The following PTPRE variants were observed in gnomAD, a reference collection of about 807,000 sequenced individuals.
PTPRE encodes the protein receptor-type tyrosine-protein phosphatase epsilon.
Under a neutral mutation model 102.0 loss-of-function variants are expected in PTPRE, and 51 were observed. The ratio of observed to expected loss-of-function variants is 0.50; its 90% CI spans 0.40 to 0.63. The LOEUF (loss-of-function observed/expected upper bound fraction) is 0.63, where lower values mean the gene tolerates loss of function less well. PTPRE is among the 30% of genes least tolerant of loss of function. The probability of loss-of-function intolerance (pLI) is 0.00; values close to 1 mark genes in which losing one functional copy is unlikely to be tolerated. For synonymous variants in PTPRE, 345 were observed against 348.2 expected (o/e 0.99, Z 0.10); for missense variants, 752 against 915.1 (o/e 0.82, Z 2.30).
intron 12 of PTPRE, chr10:128,069,239 C>T (rs1227402224): frequency 7.8e-6 from 1 of 127,802 alleles, no homozygotes; most frequent in East Asian, 2.8e-4. Context: ...TAACAGTAAT[C>T]TGACAGATGC....
intron 1 of PTPRE, among the ~76,000 whole-genome samples, chr10:127,950,753 G>T (rs1287308407): frequency 1.3e-5 from 2 of 152,128 alleles, no homozygotes; most frequent in African/African-American, 2.4e-5. Flanking sequence ...AATCAAAATG[G>T]TCTGACTCGT....
At chr10:127,999,954 G>A (rs1287035581) in intron 2 of PTPRE, 2 of 985,382 alleles carry the variant, frequency 2.0e-6, no homozygotes, top group East Asian at 1.1e-4. Context: ...CTGAGAACGC[G>A]GTGCTCTGTA....
chr10:127,977,890 T>A (rs1851304875), intron 1 of PTPRE, among the ~76,000 whole-genome samples: 1 of 152,128 alleles, frequency 6.6e-6, no homozygotes, highest in African/African-American at 2.4e-5. Flanking sequence ...CTGCTTCTGT[T>A]CCCTGGAAGC....
Position 128,040,933 on chromosome 10 carries a change from A to G in PTPRE, c.52A>G (p.Arg18Gly), listed in dbSNP as rs1359598488. ...LLVGFSLPLA[R>G]ALRGNETTAD... is the part of the protein sequence containing the mutation. ...GGTGGGTTTTAGCTTGCCGCTCGCC[A>G]GGGCTCTCAGGGGCAACGAGACCAC... Residue 18 changes from arginine (R) to glycine (G), a missense_variant, in exon 3 of 21, where the codon AGG becomes GGG. Coordinates refer to ENST00000254667, the MANE Select transcript of PTPRE (RefSeq NM_006504.6). 2 of 1,614,032 alleles carry G rather than the reference A, an allele frequency of 1.2e-6. No individual in the cohort carries two copies. The highest frequency in any genetic ancestry group is 4.5e-5 in the East Asian group (2 of 44,862).
intron 2 of PTPRE, among the ~76,000 whole-genome samples, chr10:128,032,928 G>A (rs995535444): frequency 6.6e-6 from 1 of 152,164 alleles, no homozygotes. Flanking sequence ...AAACTTGTGG[G>A]TCAGGAATAA....
At chr10:127,937,179 A>G (rs1184342682) in intron 1 of PTPRE, among the ~76,000 whole-genome samples, 8 of 152,244 alleles carry the variant, frequency 5.3e-5, no homozygotes, top group Admixed American at 5.2e-4. Flanking sequence ...CAAGCCTTCA[A>G]GAATGTGGCT....
At chr10:127,909,174 C>G (rs1845693187) in intron 1 of PTPRE, among the ~76,000 whole-genome samples, 2 of 152,204 alleles carry the variant, frequency 1.3e-5, no homozygotes, top group African/African-American at 4.8e-5. Context: ...TGGGAGCCCC[C>G]TCTTCTCCAG....
chr10:127,985,621 G>C (rs543928180), intron 2 of PTPRE, among the ~76,000 whole-genome samples: 1 of 152,172 alleles, frequency 6.6e-6, no homozygotes, highest in South Asian at 2.1e-4. Flanking sequence ...GCTAGCTGTG[G>C]TTATCACTGC....
Position 127,958,299 on chromosome 10 carries a change from C to G in PTPRE, c.-30-23975C>G, listed in dbSNP as rs1364006326. Among the ~76,000 whole-genome samples, 3 of 152,302 alleles carry G rather than the reference C, an allele frequency of 2.0e-5. No homozygotes were observed. In the East Asian group the frequency reaches 5.8e-4, roughly 29 times the overall value. On this transcript the variant is annotated intron_variant, in intron 1 of 20. Coordinates refer to ENST00000254667, the MANE Select transcript of PTPRE (RefSeq NM_006504.6). The stretch of plus-strand genomic sequence containing the variant: ...ATCTTAGTGGGAAAATGTCTAGTTT[C>G]TTACCATTAACGTATGACATTAGCT...
At chr10:128,077,964 C>T (rs975675102) in intron 19 of PTPRE, among the ~76,000 whole-genome samples, 181 bp downstream of exon 19, 3 of 152,220 alleles carry the variant, frequency 2.0e-5, no homozygotes, top group African/African-American at 7.2e-5. Flanking sequence ...TACATGTCAT[C>T]GTATCATACA....
intron 7 of PTPRE, among the ~76,000 whole-genome samples, chr10:128,057,420 G>GC (rs1236656059): frequency 1.3e-5 from 2 of 152,120 alleles, no homozygotes; most frequent in Non-Finnish European, 2.9e-5. Flanking sequence ...CCCTGCCAGG[G>GC]CCTTGGTGGG....
At chr10:127,926,207 G>A (rs1431137437) in intron 1 of PTPRE, among the ~76,000 whole-genome samples, 1 of 152,196 alleles carries the variant, frequency 6.6e-6, no homozygotes, top group Admixed American at 6.5e-5. Flanking sequence ...GCTGCTTGCA[G>A]CCTCTCATGC....
chr10:128,055,392 C>A (rs1018908485), intron 6 of PTPRE, among the ~76,000 whole-genome samples: 1 of 152,152 alleles, frequency 6.6e-6, no homozygotes, highest in African/African-American at 2.4e-5. Flanking sequence ...ATAGGGGCCC[C>A]GCGGCATTCC....
chr10:127,950,940 C>CA (rs1435212520), intron 1 of PTPRE, among the ~76,000 whole-genome samples: 13 of 151,884 alleles, frequency 8.6e-5, no homozygotes, highest in Admixed American at 5.9e-4. Flanking sequence ...ACTAAAAATA[C>CA]AAAAAAATTA....
In PTPRE at chr10:128,062,856, C is replaced by G. The variant is rs989039692; in HGVS notation, c.626-227C>G. On this transcript the variant is annotated intron_variant, in intron 9 of 20. Coordinates refer to ENST00000254667, the MANE Select transcript of PTPRE (RefSeq NM_006504.6). ...TGTGAACGTCATAACTCAACCTGGGCCCAATTATCTTGCCCACTGAGGAGT... is the reference window on the plus strand; with the variant it reads ...TGTGAACGTCATAACTCAACCTGGGGCCAATTATCTTGCCCACTGAGGAGT... 1.4e-5 allele frequency: 9 copies of G among 656,888 alleles called. No individual in the cohort carries two copies. In the African/African-American group the frequency reaches 1.6e-4, roughly 12 times the overall value. The allele number at this position is 656,888 out of a possible 1,614,324, so 40.7% of individuals were successfully genotyped here. A position where few individuals can be genotyped will look rare whatever the true frequency, so the allele number is the denominator to read the frequency against.
chr10:128,004,883 C>T (rs1308096374), intron 2 of PTPRE, among the ~76,000 whole-genome samples: 1 of 152,210 alleles, frequency 6.6e-6, no homozygotes, highest in South Asian at 2.1e-4. Context: ...CTTCTACATC[C>T]GTGCCAACAC....
At chr10:127,976,792 A>G (rs1295883757) in intron 1 of PTPRE, among the ~76,000 whole-genome samples, 4 of 152,182 alleles carry the variant, frequency 2.6e-5, no homozygotes, top group Admixed American at 2.6e-4. Context: ...TATAGACATT[A>G]ACAGCTTTAC....
In PTPRE at chr10:127,983,139, G is replaced by A. The variant is rs553632022; in HGVS notation, c.-8+843G>A. 2.4e-4 allele frequency among the ~76,000 whole-genome samples: 37 copies of A among 152,260 alleles called. No individual in the cohort carries two copies. In the East Asian group the frequency reaches 6.8e-3, roughly 28 times the overall value. The stretch of plus-strand genomic sequence containing the variant: ...ATGGATCAATTATTGTTCCCTGGCT[G>A]GCCCTCTTTTTTAGGCAGGGTGCCC... On this transcript the variant is annotated intron_variant, in intron 2 of 20. Transcript: ENST00000254667.
chr10:127,999,728 T>C, intron 2 of PTPRE: 1 of 984,946 alleles, frequency 1.0e-6, no homozygotes, highest in South Asian at 4.7e-5. Flanking sequence ...GTCTCTCCTG[T>C]AAATTTCTCC....
Sources: allele counts gnomAD v4.1 joint callset (sites outside exome capture counted in the v4.1 genomes callset), GRCh38; gene constraint gnomAD v4.1.1; transcripts MANE v1.5; gene names NCBI Gene and HGNC (gene_info 2026-07-23, HGNC 2026-07-21).